The following MMD2 variants were observed in gnomAD, a reference collection of about 807,000 sequenced individuals.
MMD2 encodes monocyte to macrophage differentiation associated 2.
Under a neutral mutation model 33.5 loss-of-function variants are expected in MMD2, and 30 were observed. The observed-to-expected ratio is 0.90, with a 90% CI of 0.67 to 1.22. The LOEUF (loss-of-function observed/expected upper bound fraction) is 1.22, where lower values mean the gene tolerates loss of function less well. MMD2 is among the 50% of genes most tolerant of loss of function. The pLI is 0.00. For synonymous variants in MMD2, 129 were observed against 123.0 expected, an observed-to-expected ratio of 1.05 and a Z score of -0.32; for missense variants, 364 against 325.4, an observed-to-expected ratio of 1.12 and a Z score of -0.91.
chr7:4,944,916 C>A (rs1409553194), intron 1 of MMD2, among the ~76,000 whole-genome samples: 2 of 151,272 alleles, frequency 1.3e-5, no homozygotes, highest in Non-Finnish European at 2.9e-5. Flanking sequence ...TACAGGCGCC[C>A]GCCACCATGC....
intron 1 of MMD2, among the ~76,000 whole-genome samples, chr7:4,953,011 A>G (rs961448851): frequency 3.3e-5 from 5 of 151,140 alleles, no homozygotes; most frequent in African/African-American, 1.2e-4. Context: ...TTGTTTGCTT[A>G]GTTGGTTTTT....
rs557268874 is a variant in MMD2, at chr7:4,912,487, G to A, written c.366-1241C>T. On this transcript the variant is annotated intron_variant, in intron 4 of 6. Coordinates refer to ENST00000401401, the MANE Select transcript of MMD2 (RefSeq NM_198403.4). The stretch of plus-strand genomic sequence containing the variant: ...TGAGGCAGGAGAATGGCGTGAACCC[G>A]GGAGGCAGAGCTTGTAGTGAGCCAA... Among the ~76,000 whole-genome samples the A allele has an allele frequency of 6.6e-5, 10 of 151,294 alleles. 1 individual carries two copies. Among genetic ancestry groups the A allele is most frequent in the Middle Eastern group, 3.4e-3 (1 of 292 alleles).
intron 2 of MMD2, among the ~76,000 whole-genome samples, chr7:4,922,646 C>T (rs1341396150): frequency 1.3e-5 from 2 of 152,100 alleles, no homozygotes; most frequent in Non-Finnish European, 2.9e-5. Flanking sequence ...ACAATCATAG[C>T]TCACTGCAGC....
chr7:4,945,246 C>CTTCTTCTTCTTCTTCTTCTTCTTCT (rs1562493963), intron 1 of MMD2, among the ~76,000 whole-genome samples: 1 of 22,898 alleles, frequency 4.4e-5, no homozygotes, highest in Non-Finnish European at 9.5e-5. Flanking sequence ...CTTCCTCTCT[C>CTTCTTCTTCTTCTTCTTCTTCTTCT]TCTTTCTTTC....
intron 6 of MMD2, among the ~76,000 whole-genome samples, chr7:4,908,117 AT>A (rs1784909463): frequency 1.3e-5 from 2 of 150,376 alleles, no homozygotes; most frequent in Non-Finnish European, 3.0e-5. Flanking sequence ...GCCTCAAATA[AT>A]ATTTTTATAA....
At chr7:4,898,419 C>T in the MMD2 span, among the ~76,000 whole-genome samples, 10 of 152,150 alleles carry the variant, frequency 6.6e-5, no homozygotes, top group Admixed American at 3.9e-4. Context: ...AGGATTTAGA[C>T]GCACTCATGG....
intron 6 of MMD2, among the ~76,000 whole-genome samples, chr7:4,909,128 T>C (rs759715909): frequency 6.6e-6 from 1 of 151,694 alleles, no homozygotes; most frequent in East Asian, 1.9e-4. Context: ...AAAAAAAACA[T>C]GGTAAGAAAA....
At chr7:4,895,339 G>A in the MMD2 span, among the ~76,000 whole-genome samples, 1,085 of 152,300 alleles carry the variant, frequency 7.1e-3, 3 homozygotes, top group Middle Eastern at 0.02. Context: ...GCCTCCCAAA[G>A]TACTGGGATT....
chr7:4,904,252 C>A (rs892591775), downstream of MMD2, among the ~76,000 whole-genome samples: 1 of 152,170 alleles, frequency 6.6e-6, no homozygotes, highest in Admixed American at 6.5e-5. Flanking sequence ...ACACCACACA[C>A]CCGGTGCGCA....
At chr7:4,939,916 A>G (rs1249962032) in intron 1 of MMD2, among the ~76,000 whole-genome samples, 2 of 151,476 alleles carry the variant, frequency 1.3e-5, no homozygotes, top group East Asian at 3.9e-4. Context: ...TTTTTTTTGT[A>G]TTTTTACTAG....
chr7:4,913,617 C>T (rs1314309816), intron 4 of MMD2, among the ~76,000 whole-genome samples: 1 of 148,802 alleles, frequency 6.7e-6, no homozygotes, highest in African/African-American at 2.5e-5. Flanking sequence ...ATTTGGGAGG[C>T]TCAGGCAGGA....
intron 6 of MMD2, among the ~76,000 whole-genome samples, chr7:4,908,011 T>C (rs1156928370): frequency 1.3e-5 from 2 of 152,010 alleles, no homozygotes; most frequent in African/African-American, 2.4e-5. Context: ...CATCTCACTA[T>C]ATTGCCCAGG....
chr7:4,927,979 A>G (rs956461113), intron 1 of MMD2, among the ~76,000 whole-genome samples: 3 of 152,150 alleles, frequency 2.0e-5, no homozygotes, highest in African/African-American at 7.2e-5. Context: ...CAGTCTGGGA[A>G]GACAGACAAG....
At chr7:4,907,997 G>A (rs1301516016) in intron 6 of MMD2, among the ~76,000 whole-genome samples, 1 of 151,626 alleles carries the variant, frequency 6.6e-6, no homozygotes, top group Non-Finnish European at 1.5e-5. Context: ...TTTGGAGATG[G>A]GGGCATCTCA....
intron 1 of MMD2, among the ~76,000 whole-genome samples, chr7:4,944,962 G>T (rs1219642034): frequency 1.3e-5 from 2 of 148,916 alleles, no homozygotes; most frequent in Non-Finnish European, 3.0e-5. Flanking sequence ...GCAGAGACGG[G>T]GTTTCACCAT....
At chr7:4,919,998 G>T (rs1190604248) in intron 3 of MMD2, among the ~76,000 whole-genome samples, 173 bp downstream of exon 3, 1 of 152,228 alleles carries the variant, frequency 6.6e-6, no homozygotes, top group Non-Finnish European at 1.5e-5. Flanking sequence ...TTAAGGCAGG[G>T]CTTGTGCCTC....
At chr7:4,951,682 C>A (rs558631829) in intron 1 of MMD2, among the ~76,000 whole-genome samples, 3 of 152,286 alleles carry the variant, frequency 2.0e-5, no homozygotes, top group Admixed American at 2.0e-4. Context: ...TCACTGTAAC[C>A]TCAATCTCCT....
the MMD2 span, among the ~76,000 whole-genome samples, chr7:4,894,921 G>C: frequency 6.6e-6 from 1 of 152,134 alleles, no homozygotes; most frequent in Non-Finnish European, 1.5e-5. This position sits in a 1 kb window ranked among gnomAD's most constrained non-coding sequence, Gnocchi z 4.3. Flanking sequence ...GCCATCCATG[G>C]GGAATTGGAA....
chr7:4,897,353 T>C, the MMD2 span, among the ~76,000 whole-genome samples: 1 of 151,760 alleles, frequency 6.6e-6, no homozygotes, highest in Non-Finnish European at 1.5e-5. Flanking sequence ...TTAATATAAA[T>C]GTTTATCAAA....
Sources: gnomAD v4.1 joint callset for allele counts (sites outside exome capture counted in the v4.1 genomes callset) on GRCh38, gnomAD v4.1.1 for gene constraint, Gnocchi (gnomAD v3.1) non-coding constraint, MANE v1.5 for transcripts, NCBI Gene and HGNC (gene_info 2026-07-23, HGNC 2026-07-21) for gene names.